LSM6: variants seen among roughly 807,000 people sequenced by gnomAD.
The protein encoded by LSM6 is U6 snRNA-associated Sm-like protein LSm6.
LSM6 carries 2 observed loss-of-function variants against 13.5 expected under a neutral mutation model. The observed-to-expected ratio is 0.15, with a 90% CI of 0.06 to 0.47. The LOEUF is 0.47. Among genes scored for constraint, LSM6 ranks in the 20% least tolerant of loss-of-function variants. The probability of loss-of-function intolerance (pLI) is 0.97; values close to 1 mark genes in which losing one functional copy is unlikely to be tolerated. For synonymous variants in LSM6, 43 were observed against 34.9 expected (o/e 1.23, Z -0.82); for missense variants, 58 against 96.4 (o/e 0.60, Z 1.67).
At chr4:146,175,861 G>C (rs751264815) in intron 1 of LSM6, 50 bp downstream of exon 1, 1 of 152,452 alleles carries the variant, frequency 6.6e-6, no homozygotes, top group Non-Finnish European at 1.5e-5. Context: ...CGCAGCCCCA[G>C]GTTCGGTGCC....
chr4:146,186,731 T>C (rs532222308), intron 2 of LSM6, among the ~76,000 whole-genome samples: 1 of 152,224 alleles, frequency 6.6e-6, no homozygotes, highest in Non-Finnish European at 1.5e-5. Flanking sequence ...AGATGTTCTT[T>C]CGGGAGCACC....
At position 146,187,299 on chromosome 4, in the gene LSM6, C is replaced by T; in HGVS notation, c.120C>T (p.Tyr40=). Residue 40 remains tyrosine (Y), a synonymous_variant, in exon 3 of 4, where the codon TAC becomes TAT. Transcript: ENST00000296581. The part of the protein sequence containing the change: ...YRGVLACLDG[Y]MNIALEQTEE... Reference sequence around the variant, plus strand: ...GGGTCCTGGCTTGCCTGGATGGCTACATGAATATAGCCCTGGAGCAGACAG... The same window carrying T: ...GGGTCCTGGCTTGCCTGGATGGCTATATGAATATAGCCCTGGAGCAGACAG... The T allele has an allele frequency of 6.2e-7, 1 of 1,611,208 alleles. No homozygotes were observed. The highest frequency in any genetic ancestry group is 8.5e-7 in the Non-Finnish European group (1 of 1,177,426).
chr4:146,186,514 A>G (rs1353769642), intron 2 of LSM6, among the ~76,000 whole-genome samples: 4 of 152,232 alleles, frequency 2.6e-5, no homozygotes, highest in Non-Finnish European at 5.9e-5. Context: ...CATCAGGTCA[A>G]ATTTTACAAA....
At chr4:146,186,394 C>A (rs552806401) in intron 2 of LSM6, among the ~76,000 whole-genome samples, 2 of 152,108 alleles carry the variant, frequency 1.3e-5, no homozygotes, top group African/African-American at 4.8e-5. Flanking sequence ...ATAGACTCGA[C>A]TGAATTGAAT....
At chr4:146,181,950 G>A (rs903611461) in intron 1 of LSM6, among the ~76,000 whole-genome samples, 1 of 152,116 alleles carries the variant, frequency 6.6e-6, no homozygotes, top group Non-Finnish European at 1.5e-5. Context: ...CTCTTTTTCT[G>A]TGTTAGACTC....
At chr4:146,176,835 C>A (rs566040707) in intron 1 of LSM6, 10 of 151,774 alleles carry the variant, frequency 6.6e-5, no homozygotes, top group Non-Finnish European at 1.5e-4. Flanking sequence ...ACTCTTTTCC[C>A]CCTATTTTTT....
rs531945972 is a variant in LSM6 at position 146,189,672 on chromosome 4, A to C, written c.*16A>C. 21 of 1,587,182 alleles carry C rather than the reference A, an allele frequency of 1.3e-5. No homozygotes were observed. The African/African-American group carries it at 2.6e-4, about 19-fold the overall frequency. ...ACGGATGTGAAGACACCAAGAGAGC[A>C]ACGCTTTTCATAGTTGGATATATTT... On this transcript the variant is annotated 3_prime_UTR_variant, in exon 4 of 4. Coordinates refer to ENST00000296581, the MANE Select transcript of LSM6 (RefSeq NM_007080.3).
intron 2 of LSM6, among the ~76,000 whole-genome samples, chr4:146,184,226 T>A (rs1456440544): frequency 6.6e-6 from 1 of 152,182 alleles, no homozygotes. Flanking sequence ...CACCTCTTAA[T>A]ACTCTCCTAT....
chr4:146,178,851 C>G (rs760995794), intron 1 of LSM6, among the ~76,000 whole-genome samples: 6 of 152,216 alleles, frequency 3.9e-5, no homozygotes, highest in Non-Finnish European at 8.8e-5. Context: ...ACCAGAGAAT[C>G]TTAACATATT....
chr4:146,182,714 G>A (rs574983343), intron 1 of LSM6, among the ~76,000 whole-genome samples, 198 bp from the exon 2 acceptor site: 16 of 152,226 alleles, frequency 1.1e-4, no homozygotes, highest in Admixed American at 2.0e-4. Flanking sequence ...CATGTAGAAT[G>A]TTTAGCTTAG....
At chr4:146,178,539 A>G (rs143371384) in intron 1 of LSM6, among the ~76,000 whole-genome samples, 26 of 152,354 alleles carry the variant, frequency 1.7e-4, no homozygotes, top group African/African-American at 4.3e-4. Flanking sequence ...TAGTGCTGCA[A>G]TTACTTGGAT....
intron 1 of LSM6, chr4:146,176,613 T>A (rs1317200264): frequency 6.6e-6 from 1 of 152,136 alleles, no homozygotes; most frequent in Non-Finnish European, 1.5e-5. Flanking sequence ...ACTAAGAGTG[T>A]ACATGTTTAA....
At position 146,189,501 on chromosome 4, in the gene LSM6, G is replaced by A. The variant is rs537609861; in HGVS notation, c.209-121G>A. The A allele has an allele frequency of 7.5e-6, 5 of 666,034 alleles. No individual in the cohort carries two copies. The East Asian group carries it at 8.5e-5, about 11-fold the overall frequency. The allele number at this position is 666,034 out of a possible 1,614,324, so 41.3% of individuals were successfully genotyped here. ...ACTTCTAGAGTTAATTGAATGATAC[G>A]AGAATTCCTTTTAAATGTCAGATGT... On this transcript the variant is annotated intron_variant, in intron 3 of 3. Transcript: ENST00000296581.
At chr4:146,185,997 A>G (rs1368602356) in intron 2 of LSM6, among the ~76,000 whole-genome samples, 1 of 152,126 alleles carries the variant, frequency 6.6e-6, no homozygotes, top group Admixed American at 6.5e-5. Context: ...TCTACCTCCC[A>G]AAGTACTGGG....
chr4:146,189,302 A>G (rs563130465), intron 3 of LSM6, among the ~76,000 whole-genome samples: 2 of 152,212 alleles, frequency 1.3e-5, no homozygotes, highest in African/African-American at 2.4e-5. Flanking sequence ...CCTGAAAAGC[A>G]TAATTCTTAT....
Position 146,190,507 on chromosome 4 carries a change from G to C in LSM6, c.*851G>C, listed in dbSNP as rs1271826639. ...GGTTCTAATTGCCGAGCTGAGATTG[G>C]GAAAGAATTTTTCCTAACTCTGGTC... On this transcript the variant is annotated 3_prime_UTR_variant, in exon 4 of 4. Transcript: ENST00000296581. 6.6e-6 allele frequency: 1 copy of C among 152,188 alleles called. No homozygotes were observed. Among genetic ancestry groups the C allele is most frequent in the East Asian group, 1.9e-4 (1 of 5,192 alleles). 9.4% of individuals were successfully genotyped at this position (152,188 alleles called of 1,614,324 possible).
intron 3 of LSM6, among the ~76,000 whole-genome samples, chr4:146,188,696 A>G (rs1198581955): frequency 6.6e-6 from 1 of 152,156 alleles, no homozygotes; most frequent in Non-Finnish European, 1.5e-5. Flanking sequence ...ATTCCTACGG[A>G]CCACACATCC....
chr4:146,178,208 T>C (rs1560710046), intron 1 of LSM6, among the ~76,000 whole-genome samples: 1 of 152,204 alleles, frequency 6.6e-6, no homozygotes, highest in Non-Finnish European at 1.5e-5. Flanking sequence ...GTAGTGTGCT[T>C]AGGTACCAGG....
intron 2 of LSM6, among the ~76,000 whole-genome samples, chr4:146,186,806 C>T (rs1021891275): frequency 6.6e-6 from 1 of 152,176 alleles, no homozygotes; most frequent in Non-Finnish European, 1.5e-5. Context: ...GGAGTACATT[C>T]ATCTGCTGCA....
Sources: allele counts gnomAD v4.1 joint callset (sites outside exome capture counted in the v4.1 genomes callset), GRCh38; gene constraint gnomAD v4.1.1; transcripts MANE v1.5; gene names NCBI Gene and HGNC (gene_info 2026-07-23, HGNC 2026-07-21).